The following SYT9 variants were observed in gnomAD, a reference collection of about 807,000 sequenced individuals.
SYT9 encodes the protein synaptotagmin-9.
Under a neutral mutation model 48.4 loss-of-function variants are expected in SYT9, and 22 were observed. The observed-to-expected ratio is 0.45, with a 90% CI of 0.32 to 0.65. The LOEUF (loss-of-function observed/expected upper bound fraction) is 0.65, where lower values mean the gene tolerates loss of function less well. SYT9 is among the 30% of genes least tolerant of loss of function. The pLI is 0.03. For missense variants in SYT9, 577 were observed against 622.0 expected, an observed-to-expected ratio of 0.93 and a Z score of 0.77; for synonymous variants, 265 against 245.0, an observed-to-expected ratio of 1.08 and a Z score of -0.76.
intron 3 of SYT9, among the ~76,000 whole-genome samples, chr11:7,342,967 C>A (rs1026268256): frequency 9.2e-5 from 14 of 152,228 alleles, no homozygotes; most frequent in Non-Finnish European, 1.8e-4. Context: ...CTCTTTAAAG[C>A]CACAGCCCAA....
At chr11:7,323,078 ATCTT>A (rs1205204821) in intron 3 of SYT9, among the ~76,000 whole-genome samples, 1 of 152,106 alleles carries the variant, frequency 6.6e-6, no homozygotes, top group Non-Finnish European at 1.5e-5. Context: ...ACAACAATTT[ATCTT>A]TCTTCTGTCA....
At chr11:7,358,783 C>G (rs1042184919) in intron 3 of SYT9, among the ~76,000 whole-genome samples, 25 of 152,066 alleles carry the variant, frequency 1.6e-4, no homozygotes, top group African/African-American at 5.8e-4. Context: ...TGGTAATAAA[C>G]CCTACTTTGT....
intron 3 of SYT9, among the ~76,000 whole-genome samples, chr11:7,335,930 G>C (rs536022551): frequency 6.6e-6 from 1 of 151,992 alleles, no homozygotes; most frequent in South Asian, 2.1e-4. Flanking sequence ...TGCTTTCCAC[G>C]ATGGTTGAAC....
intron 3 of SYT9, among the ~76,000 whole-genome samples, chr11:7,364,393 G>A (rs759945738): frequency 2.0e-5 from 3 of 152,100 alleles, no homozygotes; most frequent in Non-Finnish European, 4.4e-5. Context: ...TCAATACATA[G>A]CTACATTTTG....
chr11:7,251,824 C>T (rs1159112624), upstream of SYT9: 1 of 186,616 alleles, frequency 5.4e-6, no homozygotes, highest in Non-Finnish European at 1.1e-5. Context: ...CCGCCGCTAT[C>T]CTACCCTGCG....
intron 1 of SYT9, among the ~76,000 whole-genome samples, chr11:7,280,943 T>A (rs149418804): frequency 1.5e-4 from 23 of 152,348 alleles, no homozygotes; most frequent in Middle Eastern, 6.8e-3. Flanking sequence ...TTCAGCATAG[T>A]TTATTGAATT....
At chr11:7,248,901 C>A (rs971206474), upstream of SYT9, among the ~76,000 whole-genome samples, 1 of 152,256 alleles carries the variant, frequency 6.6e-6, no homozygotes. Context: ...AAGAGCAAAT[C>A]TGGAGGCATC....
upstream of SYT9, among the ~76,000 whole-genome samples, chr11:7,250,925 AAG>A (rs1403528347): frequency 5.3e-5 from 8 of 152,164 alleles, no homozygotes; most frequent in Admixed American, 3.9e-4. Context: ...AGAAAAAAGA[AAG>A]AGAGAAAATC....
chr11:7,324,069 ATTTAC>A lies in SYT9; in HGVS notation c.1044+10133_1044+10137del, dbSNP rs1432967484. Among the ~76,000 whole-genome samples, 6 of 152,046 alleles carry A rather than the reference ATTTAC, an allele frequency of 3.9e-5. No homozygotes were observed. The East Asian group carries it at 1.2e-3, about 29-fold the overall frequency. ...TCTAGTATAACTTTCTGGGTCAGAT[ATTTAC>A]TTTAGGGGAAATTAATTCAATTTAT... On this transcript the variant is annotated intron_variant, in intron 3 of 6. Transcript: ENST00000318881.
intron 3 of SYT9, among the ~76,000 whole-genome samples, chr11:7,363,569 T>A (rs571682170): frequency 7.9e-5 from 12 of 152,260 alleles, no homozygotes; most frequent in Middle Eastern, 3.4e-3. Flanking sequence ...TATTGAAGGC[T>A]TGGGAAAGGA....
At chr11:7,366,134 A>C (rs1352879297) in intron 3 of SYT9, among the ~76,000 whole-genome samples, 1 of 152,200 alleles carries the variant, frequency 6.6e-6, no homozygotes, top group Non-Finnish European at 1.5e-5. Context: ...CTCAGTCATG[A>C]GGACATGTTG....
At chr11:7,332,657 AAG>A (rs1849560632) in intron 3 of SYT9, among the ~76,000 whole-genome samples, 1 of 152,206 alleles carries the variant, frequency 6.6e-6, no homozygotes, top group Non-Finnish European at 1.5e-5. Flanking sequence ...GTGGCTACCA[AAG>A]ACAGGTGTCT....
chr11:7,444,906 C>T lies in SYT9; in HGVS notation c.1468-21886C>T, dbSNP rs141320549. 3.3e-3 allele frequency among the ~76,000 whole-genome samples: 499 copies of T among 152,322 alleles called. 2 individuals are homozygous for T. Among genetic ancestry groups the T allele is most frequent in the Non-Finnish European group, 3.9e-3 (263 of 68,026 alleles). ...AAGGAGCTTCCAGGAGAGTCTTCCCCTGCTGGGATTCTGCTAGGGCCCTGG... is the reference window on the plus strand; with the variant it reads ...AAGGAGCTTCCAGGAGAGTCTTCCCTTGCTGGGATTCTGCTAGGGCCCTGG... On this transcript the variant is annotated intron_variant, in intron 6 of 6. Transcript: ENST00000318881.
intron 1 of SYT9, among the ~76,000 whole-genome samples, chr11:7,259,751 C>T (rs1277016918): frequency 6.6e-6 from 1 of 151,798 alleles, no homozygotes; most frequent in Non-Finnish European, 1.5e-5. Flanking sequence ...ATGTTTTTTT[C>T]TACCAATTTC....
chr11:7,462,109 A>G (rs1224602485), intron 6 of SYT9, among the ~76,000 whole-genome samples: 1 of 152,200 alleles, frequency 6.6e-6, no homozygotes. Flanking sequence ...GTTACCATTC[A>G]AAGCACAATA....
rs572540095 is a variant in SYT9 at position 7,284,940 on chromosome 11, A to G, written c.146-18099A>G. On this transcript the variant is annotated intron_variant, in intron 1 of 6. Transcript: ENST00000318881. The stretch of plus-strand genomic sequence containing the variant: ...CTTTTGCTCCCTCCCCTACTTCTCC[A>G]TAATTTTTTCTCTTTACAAGACACA... Among the ~76,000 whole-genome samples the G allele has an allele frequency of 6.6e-5, 10 of 152,234 alleles. No individual in the cohort carries two copies. The East Asian group carries it at 1.7e-3, about 26-fold the overall frequency.
At position 7,255,585 on chromosome 11, in the gene SYT9, G is replaced by T. The variant is rs145148513; in HGVS notation, c.145+3254G>T. Among the ~76,000 whole-genome samples, 67 of 152,188 alleles carry T rather than the reference G, an allele frequency of 4.4e-4. 1 individual carries two copies. Among genetic ancestry groups the T allele is most frequent in the Admixed American group, 1.9e-3 (29 of 15,294 alleles). On this transcript the variant is annotated intron_variant, in intron 1 of 6. Transcript: ENST00000318881. ...GTAATGGAGGTGATGAGAAGTAATT[G>T]GATTATGAATGCAATTTGCAGGTAC... is the stretch of plus-strand genomic sequence containing the variant.
chr11:7,248,571 T>C (rs1847822165), upstream of SYT9, among the ~76,000 whole-genome samples: 1 of 152,170 alleles, frequency 6.6e-6, no homozygotes, highest in South Asian at 2.1e-4. Flanking sequence ...TGCAGCACCA[T>C]TTGTTGAAAA....
chr11:7,287,776 T>G (rs376931878), intron 1 of SYT9, among the ~76,000 whole-genome samples: 33 of 152,334 alleles, frequency 2.2e-4, no homozygotes, highest in African/African-American at 6.7e-4. Flanking sequence ...AACTTTTTCT[T>G]TCTTATTTTG....
Sources: gnomAD v4.1 joint callset for allele counts (sites outside exome capture counted in the v4.1 genomes callset) on GRCh38, gnomAD v4.1.1 for gene constraint, MANE v1.5 for transcripts, NCBI Gene and HGNC (gene_info 2026-07-23, HGNC 2026-07-21) for gene names.